The following COBLL1 variants were observed in gnomAD, a reference collection of about 807,000 sequenced individuals.
The protein encoded by COBLL1 is cordon-bleu protein-like 1.
COBLL1 carries 50 observed loss-of-function variants against 94.8 expected under a neutral mutation model. The observed-to-expected ratio is 0.53, with a 90% CI of 0.42 to 0.67. The LOEUF (loss-of-function observed/expected upper bound fraction) is 0.67. Ranked by LOEUF, COBLL1 falls within the 30% of genes least tolerant of loss-of-function variation. The pLI is 0.00. For synonymous variants in COBLL1, 448 were observed against 473.8 expected (o/e 0.95, Z 0.71); for missense variants, 1,362 against 1,348.7 (o/e 1.01, Z -0.15).
Position 164,841,574 on chromosome 2 carries a change from C to A in COBLL1, c.-51+136G>T. On this transcript the variant is annotated intron_variant, in intron 1 of 13. Transcript: ENST00000652658. The surrounding 1 kb of genome is among the most constrained non-coding windows in gnomAD (Gnocchi z 5.5). ...AGGAGGAGGAGCGGGGCCGGGCGCA[C>A]GGGCACCGCTGCCACGCCGGCAGCG... 1 of 554,036 alleles carries A rather than the reference C, an allele frequency of 1.8e-6. No individual in the cohort carries two copies. The highest frequency in any genetic ancestry group is 2.5e-6 in the Non-Finnish European group (1 of 405,644). The allele number at this position is 554,036 out of a possible 1,614,324, so 34.3% of individuals were successfully genotyped here.
rs375684912 is a variant in COBLL1, at chr2:164,791,798, C to T, written c.42-47923G>A. On this transcript the variant is annotated intron_variant, in intron 2 of 13. Coordinates refer to ENST00000652658, the MANE Select transcript of COBLL1 (RefSeq NM_001365672.2). ...GGCCAGACAAATGGTGTCACCAGAC[C>T]TGAAGGCACAGGTGAGGTTCTGCTG... is the stretch of plus-strand genomic sequence containing the variant. Among the ~76,000 whole-genome samples the T allele has an allele frequency of 9.2e-5, 14 of 152,164 alleles. No homozygotes were observed. In the East Asian group the frequency reaches 2.7e-3, roughly 29 times the overall value.
intron 3 of COBLL1, among the ~76,000 whole-genome samples, chr2:164,740,053 C>G (rs906555009): frequency 6.6e-5 from 10 of 152,164 alleles, no homozygotes; most frequent in African/African-American, 2.2e-4. Context: ...TACTTTAAAT[C>G]ACAAACACTT....
At chr2:164,786,173 G>A (rs1053574889) in intron 2 of COBLL1, among the ~76,000 whole-genome samples, 4 of 152,092 alleles carry the variant, frequency 2.6e-5, no homozygotes, top group African/African-American at 9.7e-5. Context: ...CAAACCCAGA[G>A]GGCTTTTCCT....
intron 2 of COBLL1, among the ~76,000 whole-genome samples, chr2:164,823,325 CTG>C (rs1685273068): frequency 6.6e-6 from 1 of 152,176 alleles, no homozygotes; most frequent in Non-Finnish European, 1.5e-5. Flanking sequence ...AATCAACAAA[CTG>C]TTGATTCAAG....
At chr2:164,713,063 G>A (rs866593372) in intron 7 of COBLL1, among the ~76,000 whole-genome samples, 19 of 152,182 alleles carry the variant, frequency 1.2e-4, no homozygotes, top group Middle Eastern at 3.4e-3. Flanking sequence ...TGGGGTGGGG[G>A]AAGTTTATTT....
intron 2 of COBLL1, among the ~76,000 whole-genome samples, chr2:164,775,978 G>A (rs1320817739): frequency 6.6e-6 from 1 of 151,838 alleles, no homozygotes. Flanking sequence ...CCCCAATACA[G>A]TCCCAAATCT....
rs1683034632 is a variant in COBLL1, at chr2:164,681,404, C to T, written c.*4542G>A. 6.6e-6 allele frequency: 1 copy of T among 152,144 alleles called. No homozygotes were observed. The highest frequency in any genetic ancestry group is 1.5e-5 in the Non-Finnish European group (1 of 68,058). The allele number at this position is 152,144 out of a possible 1,614,324, so 9.4% of individuals were successfully genotyped here. On this transcript the variant is annotated 3_prime_UTR_variant, in exon 14 of 14. Transcript: ENST00000652658. ...GTGAAAGCAAGCAGAAACACATGAA[C>T]CTTTGAGGGCTGGTCTTAGAACTGG...
chr2:164,762,595 G>A (rs1687736592), intron 2 of COBLL1, among the ~76,000 whole-genome samples: 1 of 152,084 alleles, frequency 6.6e-6, no homozygotes, highest in South Asian at 2.1e-4. Context: ...TAGCTAGCCT[G>A]GTAAAAGCAT....
rs74705882 is a variant in COBLL1 at position 164,740,887 on chromosome 2, G to C, written c.230+2800C>G. On this transcript the variant is annotated intron_variant, in intron 3 of 13. Coordinates refer to ENST00000652658, the MANE Select transcript of COBLL1 (RefSeq NM_001365672.2). Reference sequence around the variant, plus strand: ...AAAATGAGGCTAGTGAGTTACACGAGGGGGGGAAAAGTTCATAAACGTATT... The same window carrying C: ...AAAATGAGGCTAGTGAGTTACACGACGGGGGGAAAAGTTCATAAACGTATT... Among the ~76,000 whole-genome samples the C allele has an allele frequency of 8.0e-5, 12 of 149,702 alleles. 1 individual carries two copies. Among genetic ancestry groups the C allele is most frequent in the South Asian group, 4.2e-4 (2 of 4,788 alleles).
chr2:164,766,066 G>A (rs1201880840), intron 2 of COBLL1, among the ~76,000 whole-genome samples: 2 of 151,996 alleles, frequency 1.3e-5, no homozygotes, highest in Non-Finnish European at 2.9e-5. Flanking sequence ...TCTCCTGAAT[G>A]GCTTCTTCCA....
chr2:164,768,535 A>G (rs1688048801), intron 2 of COBLL1, among the ~76,000 whole-genome samples: 2 of 152,170 alleles, frequency 1.3e-5, no homozygotes, highest in Non-Finnish European at 2.9e-5. Context: ...GAATTAAGAT[A>G]TAAATACAGA....
At chr2:164,726,471 T>C (rs1037370692) in intron 5 of COBLL1, among the ~76,000 whole-genome samples, 73 of 152,206 alleles carry the variant, frequency 4.8e-4, no homozygotes, top group Admixed American at 4.4e-3. Context: ...ATGAAAGGAA[T>C]GTATGCCCAT....
intron 2 of COBLL1, among the ~76,000 whole-genome samples, chr2:164,783,207 G>C (rs1282101156): frequency 1.3e-5 from 2 of 152,050 alleles, no homozygotes; most frequent in Non-Finnish European, 2.9e-5. Flanking sequence ...TTCCAGATCA[G>C]CCTGGTCAAC....
intron 2 of COBLL1, among the ~76,000 whole-genome samples, chr2:164,830,704 T>C (rs1195334624): frequency 6.6e-6 from 1 of 152,186 alleles, no homozygotes; most frequent in Non-Finnish European, 1.5e-5. Context: ...ATCACAGACA[T>C]ACAGTATGAA....
Position 164,683,437 on chromosome 2 carries a change from A to G in COBLL1, c.*2509T>C, listed in dbSNP as rs899644205. On this transcript the variant is annotated 3_prime_UTR_variant, in exon 14 of 14. Transcript: ENST00000652658. ...GGTGTCGATAAGGCAACTTTTCAGA[A>G]CATACATGTATTAATGGTTTATATA... 6.6e-6 allele frequency: 1 copy of G among 152,114 alleles called. No individual in the cohort carries two copies. The highest frequency in any genetic ancestry group is 1.5e-5 in the Non-Finnish European group (1 of 68,006). The allele number at this position is 152,114 out of a possible 1,614,324, so 9.4% of individuals were successfully genotyped here.
intron 7 of COBLL1, among the ~76,000 whole-genome samples, chr2:164,717,511 T>A (rs568921494): frequency 6.6e-6 from 1 of 152,340 alleles, no homozygotes; most frequent in East Asian, 1.9e-4. Flanking sequence ...ATTTCCTGAA[T>A]ATTTGCATCT....
At chr2:164,793,875 G>A (rs1683310372) in intron 2 of COBLL1, among the ~76,000 whole-genome samples, 1 of 152,184 alleles carries the variant, frequency 6.6e-6, no homozygotes, top group East Asian at 1.9e-4. Context: ...GAAATCATTA[G>A]CATCATCTAT....
At chr2:164,700,785 A>G (rs1188098510) in intron 9 of COBLL1, 29 bp from the exon 10 acceptor site, 1 of 1,359,384 alleles carries the variant, frequency 7.4e-7, no homozygotes, top group East Asian at 2.3e-5. Context: ...ATAATCCTAA[A>G]TATTAATTTG....
At chr2:164,816,768 T>C (rs2105349703) in intron 2 of COBLL1, among the ~76,000 whole-genome samples, 1 of 152,226 alleles carries the variant, frequency 6.6e-6, no homozygotes, top group Admixed American at 6.5e-5. Context: ...TAGAGGTTCA[T>C]TATTAGTTAT....
Sources: allele counts gnomAD v4.1 joint callset (sites outside exome capture counted in the v4.1 genomes callset), GRCh38; gene constraint gnomAD v4.1.1; non-coding constraint Gnocchi (gnomAD v3.1); transcripts MANE v1.5; gene names NCBI Gene and HGNC (gene_info 2026-07-23, HGNC 2026-07-21).